The following AIRE variants were observed in gnomAD, a reference collection of about 807,000 sequenced individuals.
The protein encoded by AIRE is autoimmune regulator.
AIRE carries 52 observed loss-of-function variants against 62.1 expected under a neutral mutation model. That is an observed-to-expected ratio of 0.84 (90% CI 0.67 to 1.06). The LOEUF (loss-of-function observed/expected upper bound fraction) is 1.06. Ranked by LOEUF, AIRE falls within the 50% of genes least tolerant of loss-of-function variation. The pLI, the probability that AIRE is intolerant of heterozygous loss-of-function variation, is 0.00. For synonymous variants in AIRE, 342 were observed against 321.6 expected (o/e 1.06, Z -0.68); for missense variants, 774 against 755.8 (o/e 1.02, Z -0.28).
At position 44,286,972 on chromosome 21, in the gene AIRE, C is replaced by G. The variant is rs1477153017; in HGVS notation, c.308-6C>G. On this transcript the variant is annotated splice_polypyrimidine_tract_variant and splice_region_variant and intron_variant, in intron 2 of 13. Coordinates refer to ENST00000291582, the MANE Select transcript of AIRE (RefSeq NM_000383.4). This position sits in a 1 kb window ranked among gnomAD's most constrained non-coding sequence, Gnocchi z 6.0. ...TTGGGACCCTGCTCCTGCCCCTGAG[C>G]TGCAGATGTGGACCTCAGCCAGCCC... The G allele has an allele frequency of 6.2e-7, 1 of 1,612,834 alleles. No individual in the cohort carries two copies. Among genetic ancestry groups the G allele is most frequent in the Admixed American group, 1.7e-5 (1 of 60,030 alleles).
rs1015126481 is a variant in AIRE, at chr21:44,297,152, GC to G, written c.1567-500del. ...GGGCCCAGCGCTGGGTAATGGAGCTGCCCCTCTGGATGGGGTCCCCGGGTAT... is the reference window on the plus strand; with the variant it reads ...GGGCCCAGCGCTGGGTAATGGAGCTGCCCTCTGGATGGGGTCCCCGGGTAT... On this transcript the variant is annotated intron_variant, in intron 13 of 13. Transcript: ENST00000291582. The surrounding 1 kb of genome is among the most constrained non-coding windows in gnomAD (Gnocchi z 4.8). 4.6e-5 allele frequency among the ~76,000 whole-genome samples: 7 copies of G among 152,208 alleles called. No homozygotes were observed. The highest frequency in any genetic ancestry group is 1.0e-4 in the Non-Finnish European group (7 of 68,022).
chr21:44,287,633 AG>A lies in AIRE; in HGVS notation c.538+46del, dbSNP rs1568926828. 9 of 1,456,272 alleles carry A rather than the reference AG, an allele frequency of 6.2e-6. No homozygotes were observed. The highest frequency in any genetic ancestry group is 1.9e-4 in the Middle Eastern group (1 of 5,140). The allele number at this position is 1,456,272 out of a possible 1,614,324, so 90.2% of individuals were successfully genotyped here. On this transcript the variant is annotated intron_variant, in intron 4 of 13. Transcript: ENST00000291582. The surrounding 1 kb of genome is among the most constrained non-coding windows in gnomAD (Gnocchi z 4.3). Reference sequence around the variant, plus strand: ...GGGAGCGCCTCCCTTCTCCCTGGCCAGGGGCAAGGGGTCAGGGGTCAGAGCA... The same window carrying A: ...GGGAGCGCCTCCCTTCTCCCTGGCCAGGGCAAGGGGTCAGGGGTCAGAGCA...
At chr21:44,288,129 C>T (rs1320606494) in intron 4 of AIRE, among the ~76,000 whole-genome samples, 3 of 152,176 alleles carry the variant, frequency 2.0e-5, no homozygotes, top group Non-Finnish European at 4.4e-5. Context: ...CCCCCCAGCA[C>T]ACGCACACTT....
chr21:44,293,751 C>A, intron 10 of AIRE, 38 bp from the exon 11 acceptor site: 1 of 1,594,808 alleles, frequency 6.3e-7, no homozygotes, highest in Non-Finnish European at 8.5e-7. Flanking sequence ...ACATTTCCCC[C>A]GGCCCCCCGC....
In AIRE at chr21:44,298,275, C is replaced by G. The variant is rs971922772; in HGVS notation, c.*548C>G. 5.5e-6 allele frequency: 1 copy of G among 180,280 alleles called. No homozygotes were observed. The highest frequency in any genetic ancestry group is 1.2e-5 in the Non-Finnish European group (1 of 83,790). 11.2% of individuals were successfully genotyped at this position (180,280 alleles called of 1,614,324 possible). A position where few individuals can be genotyped will look rare whatever the true frequency, so the allele number is the denominator to read the frequency against. ...CAGCTTCCTGAATGGAAACTCTGGC[C>G]CCATGAAACACTCACTCCCCATTCC... is the stretch of plus-strand genomic sequence containing the variant. On this transcript the variant is annotated 3_prime_UTR_variant, in exon 14 of 14. Transcript: ENST00000291582.
chr21:44,289,829 C>G (rs758273455), intron 6 of AIRE, 27 bp downstream of exon 6: 1 of 1,612,066 alleles, frequency 6.2e-7, no homozygotes, highest in East Asian at 2.2e-5. Context: ...CCCTGGGGAG[C>G]CTGGCTCTTG....
Position 44,297,638 on chromosome 21 carries a change from C to T in AIRE, c.1567-18C>T, listed in dbSNP as rs372108131. The T allele has an allele frequency of 1.4e-4, 228 of 1,606,340 alleles. No homozygotes were observed. The highest frequency in any genetic ancestry group is 1.2e-3 in the African/African-American group (93 of 74,876). On this transcript the variant is annotated intron_variant, in intron 13 of 13. Coordinates refer to ENST00000291582, the MANE Select transcript of AIRE (RefSeq NM_000383.4). The surrounding 1 kb of genome is among the most constrained non-coding windows in gnomAD (Gnocchi z 4.8). ...CGGGGGCGCACCTGGAGGTTCTCAC[C>T]GTCACTCTGTCCCGCAGCACACCTT...
chr21:44,286,234 C>T lies in AIRE; in HGVS notation c.132+96C>T, dbSNP rs557145353. On this transcript the variant is annotated intron_variant, in intron 1 of 13. Transcript: ENST00000291582. The surrounding 1 kb of genome is among the most constrained non-coding windows in gnomAD (Gnocchi z 6.0). ...GGAGGACCCCGCCCCTCCAGATCCC[C>T]AAGCCCCTCCAGCCTTCCCCAACTC... 1.9e-5 allele frequency: 25 copies of T among 1,335,154 alleles called. No individual in the cohort carries two copies. The Admixed American group carries it at 5.0e-4, about 27-fold the overall frequency. 82.7% of individuals were successfully genotyped at this position (1,335,154 alleles called of 1,614,324 possible).
chr21:44,296,656 G>GCC (rs60821379), intron 13 of AIRE, among the ~76,000 whole-genome samples: 45 of 130,658 alleles, frequency 3.4e-4, no homozygotes, highest in Admixed American at 7.4e-4. Flanking sequence ...CCTTGCAGGA[G>GCC]CCCCCCCCGG....
chr21:44,290,582 G>A, intron 7 of AIRE: 1 of 717,962 alleles, frequency 1.4e-6, no homozygotes, highest in South Asian at 6.3e-5. Flanking sequence ...GGGCGTCTGG[G>A]GGATTGTTAG....
intron 5 of AIRE, chr21:44,289,284 C>T (rs541528737): frequency 3.0e-5 from 9 of 297,594 alleles, no homozygotes; most frequent in East Asian, 1.4e-4. Flanking sequence ...CAGGACCCAC[C>T]GCTCCAGCCT....
intron 11 of AIRE, 143 bp from the exon 12 acceptor site, chr21:44,294,258 C>T (rs1238092900): frequency 2.7e-6 from 1 of 374,450 alleles, no homozygotes; most frequent in Non-Finnish European, 5.1e-6. Flanking sequence ...CACTCCCACT[C>T]TCCACCCACA....
At position 44,294,437 on chromosome 21, in the gene AIRE, G is replaced by T; in HGVS notation, c.1437G>T (p.Val479=). The T allele has an allele frequency of 6.3e-7, 1 of 1,576,916 alleles. No homozygotes were observed. The highest frequency in any genetic ancestry group is 1.1e-5 in the South Asian group (1 of 87,054). ...GCTGCAGATCCTGCTCAGGAGACGT[G>T]ACCCCAGCCCCTGTGGAGGGGGTGC... The part of the protein sequence containing the change: ...GLRCRSCSGD[V]TPAPVEGVLA... The change falls in exon 12 of 14, where the codon GTG becomes GTT. Residue 479 remains valine, a synonymous_variant. Coordinates refer to ENST00000291582, the MANE Select transcript of AIRE (RefSeq NM_000383.4).
In AIRE at chr21:44,287,504, C is replaced by A; in HGVS notation, c.464-13C>A. ...AGAGGGGAGGCCAGGCTGCCCCCAG[C>A]TCCCCCATTCAGGCTCTCAACTGAA... is the stretch of plus-strand genomic sequence containing the variant. On this transcript the variant is annotated splice_polypyrimidine_tract_variant and intron_variant, in intron 3 of 13. Coordinates refer to ENST00000291582, the MANE Select transcript of AIRE (RefSeq NM_000383.4). This position sits in a 1 kb window ranked among gnomAD's most constrained non-coding sequence, Gnocchi z 4.3. 6.5e-7 allele frequency: 1 copy of A among 1,549,902 alleles called. No individual in the cohort carries two copies. Among genetic ancestry groups the A allele is most frequent in the Non-Finnish European group, 8.7e-7 (1 of 1,146,508 alleles).
At chr21:44,294,001 A>T in intron 11 of AIRE, 91 bp downstream of exon 11, 2 of 1,408,546 alleles carry the variant, frequency 1.4e-6, no homozygotes, top group Non-Finnish European at 9.4e-7. Context: ...ACAGCCCACA[A>T]CCACACCCCA....
chr21:44,293,851 T>G lies in AIRE; in HGVS notation c.1341T>G (p.Thr447=). The G allele has an allele frequency of 6.3e-7, 1 of 1,596,946 alleles. No homozygotes were observed. The highest frequency in any genetic ancestry group is 8.5e-7 in the Non-Finnish European group (1 of 1,179,568). Residue 447 remains threonine, a synonymous_variant, in exon 11 of 14, where the codon ACT becomes ACG. Transcript: ENST00000291582. ...ATGGTACGGACGTGCTGCGGTGTAC[T>G]CACTGCGCCGCTGCCTTCCACTGGC... ...CGDGTDVLRC[T]HCAAAFHWRC...
In AIRE at chr21:44,297,850, C is replaced by T. The variant is rs573686372; in HGVS notation, c.*123C>T. ...GACAGCGCCACCTCTTGTCAGTGCTCGGCTGTAAACAGCTCTGTGTTTCTG... is the reference window on the plus strand; with the variant it reads ...GACAGCGCCACCTCTTGTCAGTGCTTGGCTGTAAACAGCTCTGTGTTTCTG... On this transcript the variant is annotated 3_prime_UTR_variant, in exon 14 of 14. Coordinates refer to ENST00000291582, the MANE Select transcript of AIRE (RefSeq NM_000383.4). This position sits in a 1 kb window ranked among gnomAD's most constrained non-coding sequence, Gnocchi z 4.8. 444 of 883,906 alleles carry T rather than the reference C, an allele frequency of 5.0e-4. 1 individual carries two copies. In the African/African-American group the frequency reaches 5.9e-3, roughly 12 times the overall value. 54.8% of individuals were successfully genotyped at this position (883,906 alleles called of 1,614,324 possible). A position where few individuals can be genotyped will look rare whatever the true frequency, so the allele number is the denominator to read the frequency against.
chr21:44,296,407 G>T lies in AIRE; in HGVS notation c.1528G>T (p.Ala510Ser), dbSNP rs754625743. 3.1e-6 allele frequency: 5 copies of T among 1,612,576 alleles called. No homozygotes were observed. Among genetic ancestry groups the T allele is most frequent in the Non-Finnish European group, 3.4e-6 (4 of 1,179,834 alleles). Reference sequence around the variant, plus strand: ...GGATGACACTGCCAGTCACGAGCCCGCTCTGCACAGGGATGACCTGGAGTC... The same window carrying T: ...GGATGACACTGCCAGTCACGAGCCCTCTCTGCACAGGGATGACCTGGAGTC... ...AKDDTASHEP[A>S]LHRDDLESLL... Residue 510 changes from alanine to serine, a missense_variant, in exon 13 of 14, where the codon GCT becomes TCT. Around this residue, in one of 3 missense-constraint regions of AIRE, gnomAD observed 354 missense variants for 296.1 expected, o/e 1.20. Coordinates refer to ENST00000291582, the MANE Select transcript of AIRE (RefSeq NM_000383.4).
At position 44,287,361 on chromosome 21, in the gene AIRE, C is replaced by T. The variant is rs2146376729; in HGVS notation, c.464-156C>T. On this transcript the variant is annotated intron_variant, in intron 3 of 13. Transcript: ENST00000291582. The surrounding 1 kb of genome is among the most constrained non-coding windows in gnomAD (Gnocchi z 4.3). ...GAGCTGGTGAAGTAGGCGGGCGGGT[C>T]TCATTTCCCTTTTACTGATGAGAAA... 1 of 716,562 alleles carries T rather than the reference C, an allele frequency of 1.4e-6. No individual in the cohort carries two copies. Among genetic ancestry groups the T allele is most frequent in the Non-Finnish European group, 2.4e-6 (1 of 422,522 alleles). 44.4% of individuals were successfully genotyped at this position (716,562 alleles called of 1,614,324 possible). A position where few individuals can be genotyped will look rare whatever the true frequency, so the allele number is the denominator to read the frequency against.
Sources: allele counts gnomAD v4.1 joint callset (sites outside exome capture counted in the v4.1 genomes callset), GRCh38; gene constraint gnomAD v4.1.1; regional missense constraint gnomAD v4.1.1; non-coding constraint Gnocchi (gnomAD v3.1); transcripts MANE v1.5; gene names NCBI Gene and HGNC (gene_info 2026-07-23, HGNC 2026-07-21).